SCNN1B: variants seen among roughly 807,000 people sequenced by gnomAD.
SCNN1B encodes the protein epithelial sodium channel subunit beta.
SCNN1B carries 46 observed loss-of-function variants against 65.3 expected under a neutral mutation model. That is an observed-to-expected ratio of 0.70 (90% CI 0.56 to 0.90). The LOEUF (loss-of-function observed/expected upper bound fraction) is 0.90. SCNN1B is among the 40% of genes least tolerant of loss of function. The probability of loss-of-function intolerance (pLI) is 0.00; values close to 1 mark genes in which losing one functional copy is unlikely to be tolerated. For missense variants in SCNN1B, 751 were observed against 830.5 expected, an observed-to-expected ratio of 0.90 and a Z score of 1.18; for synonymous variants, 349 against 330.6, an observed-to-expected ratio of 1.06 and a Z score of -0.60.
chr16:23,333,908 C>T (rs952254043), intron 1 of SCNN1B, among the ~76,000 whole-genome samples: 1 of 152,194 alleles, frequency 6.6e-6, no homozygotes, highest in Non-Finnish European at 1.5e-5. Flanking sequence ...GATGGCAGAA[C>T]CAGACCCTAA....
At chr16:23,361,956 T>A (rs1962562179) in intron 4 of SCNN1B, among the ~76,000 whole-genome samples, 1 of 152,098 alleles carries the variant, frequency 6.6e-6, no homozygotes, top group South Asian at 2.1e-4. Flanking sequence ...CAAGCAATCT[T>A]CCCACTTCAG....
chr16:23,374,748 C>A (rs527689182), intron 7 of SCNN1B, among the ~76,000 whole-genome samples: 1 of 151,716 alleles, frequency 6.6e-6, no homozygotes, highest in South Asian at 2.1e-4. Context: ...AGACGGAGCC[C>A]GGGCTGCAGG....
At chr16:23,319,127 A>G (rs968874123) in intron 1 of SCNN1B, among the ~76,000 whole-genome samples, 1 of 149,340 alleles carries the variant, frequency 6.7e-6, no homozygotes, top group African/African-American at 2.5e-5. Flanking sequence ...TGCAACCTCC[A>G]CCTCCTGGGT....
At position 23,380,289 on chromosome 16, in the gene SCNN1B, A is replaced by T; in HGVS notation, c.1542+120A>T. 1 of 1,510,250 alleles carries T rather than the reference A, an allele frequency of 6.6e-7. No homozygotes were observed. Among genetic ancestry groups the T allele is most frequent in the Non-Finnish European group, 9.2e-7 (1 of 1,088,190 alleles). The allele number at this position is 1,510,250 out of a possible 1,614,324, so 93.6% of individuals were successfully genotyped here. A position where few individuals can be genotyped will look rare whatever the true frequency, so the allele number is the denominator to read the frequency against. On this transcript the variant is annotated intron_variant, in intron 12 of 12. Transcript: ENST00000343070. The surrounding 1 kb of genome is among the most constrained non-coding windows in gnomAD (Gnocchi z 5.4). ...TAGGAAGATCCCTAAGACAGTCCCA[A>T]GTTATTCCCCTGGGCCAAGATGGTC...
At chr16:23,350,002 C>T (rs1449523771) in intron 2 of SCNN1B, among the ~76,000 whole-genome samples, 2 of 151,708 alleles carry the variant, frequency 1.3e-5, no homozygotes, top group Non-Finnish European at 2.9e-5. Context: ...TGCTTGACCC[C>T]GAGAGGCAGA....
intron 1 of SCNN1B, among the ~76,000 whole-genome samples, chr16:23,333,165 G>T (rs919488178): frequency 1.4e-4 from 19 of 131,468 alleles, no homozygotes; most frequent in African/African-American, 5.4e-4. Context: ...AAGGAAGGAA[G>T]GAAGGAAGGA....
chr16:23,374,884 G>A (rs901437761), intron 7 of SCNN1B, among the ~76,000 whole-genome samples: 3 of 151,958 alleles, frequency 2.0e-5, no homozygotes, highest in Non-Finnish European at 2.9e-5. Context: ...AACTGGATAG[G>A]CAATGAAACA....
intron 4 of SCNN1B, among the ~76,000 whole-genome samples, chr16:23,366,938 T>A (rs1475229972): frequency 2.6e-5 from 4 of 152,254 alleles, no homozygotes; most frequent in Non-Finnish European, 5.9e-5. Flanking sequence ...CAGAGTTTGA[T>A]GAACTCCAGC....
chr16:23,356,440 C>T (rs897586239), intron 4 of SCNN1B, among the ~76,000 whole-genome samples: 1 of 152,060 alleles, frequency 6.6e-6, no homozygotes, highest in African/African-American at 2.4e-5. Flanking sequence ...GCCTGAGCAA[C>T]ATAGCGAGAC....
intron 2 of SCNN1B, among the ~76,000 whole-genome samples, chr16:23,285,132 A>G (rs1960832001): frequency 6.6e-6 from 1 of 152,238 alleles, no homozygotes; most frequent in Admixed American, 6.5e-5. Flanking sequence ...ATAGTAATGT[A>G]TGAACATTGG....
At chr16:23,371,269 C>T in intron 5 of SCNN1B, 30 bp from the exon 6 acceptor site, 1 of 1,612,772 alleles carries the variant, frequency 6.2e-7, no homozygotes, top group Non-Finnish European at 8.5e-7. Flanking sequence ...GGAGAAAGTT[C>T]AGGCAGCCCT....
chr16:23,344,026 C>T (rs1203577962), intron 1 of SCNN1B, among the ~76,000 whole-genome samples: 1 of 152,206 alleles, frequency 6.6e-6, no homozygotes, highest in Non-Finnish European at 1.5e-5. Flanking sequence ...GATGCTCAGC[C>T]AATACTCAAC....
chr16:23,358,860 T>A (rs1056452954), intron 4 of SCNN1B, among the ~76,000 whole-genome samples: 5 of 152,196 alleles, frequency 3.3e-5, no homozygotes, highest in Non-Finnish European at 5.9e-5. Flanking sequence ...TGAGCCGAGG[T>A]TGTGCCACTG....
In SCNN1B at chr16:23,377,170, T is replaced by G; in HGVS notation, c.1276T>G (p.Cys426Gly). The G allele has an allele frequency of 6.2e-7, 1 of 1,614,074 alleles. No homozygotes were observed. ...CCTTTCTGTCTCCTGCGCAGCCCAT[T>G]GCTACTCAGATCTACAGATGAGCGT... ...NNRDFPDWAH[C>G]YSDLQMSVAQ... The change falls in exon 9 of 13, where the codon TGC becomes GGC. Residue 426 changes from cysteine to glycine, a missense_variant. By Grantham distance (159) the Cys-to-Gly change is radical. Coordinates refer to ENST00000343070, the MANE Select transcript of SCNN1B (RefSeq NM_000336.3).
rs1002026219 is a variant in SCNN1B, at chr16:23,380,120, A to G, written c.1493A>G (p.Tyr498Cys). The G allele has an allele frequency of 5.0e-6, 8 of 1,614,074 alleles. No individual in the cohort carries two copies. The highest frequency in any genetic ancestry group is 1.1e-5 in the South Asian group (1 of 91,074). Residue 498 changes from tyrosine (Y) to cysteine (C), a missense_variant, in exon 12 of 13, where the codon TAC becomes TGC. Tyr to Cys is a radical substitution (Grantham distance 194). Coordinates refer to ENST00000343070, the MANE Select transcript of SCNN1B (RefSeq NM_000336.3). The surrounding 1 kb of genome is among the most constrained non-coding windows in gnomAD (Gnocchi z 5.4). ...SRKGIVKLNIYFQEFNYRTIE... is the reference protein window; with the variant it reads ...SRKGIVKLNICFQEFNYRTIE... ...AAGGGAATTGTCAAGCTCAACATCT[A>G]CTTCCAAGAATTTAACTATCGCACC...
intron 2 of SCNN1B, among the ~76,000 whole-genome samples, chr16:23,291,439 A>AT (rs1488162153): frequency 6.7e-6 from 1 of 149,582 alleles, no homozygotes; most frequent in African/African-American, 2.5e-5. Flanking sequence ...TTTGTTCTAC[A>AT]TTTTTTATAT....
chr16:23,371,895 G>T lies in SCNN1B; in HGVS notation c.1152+12G>T. 1 of 1,594,172 alleles carries T rather than the reference G, an allele frequency of 6.3e-7. No homozygotes were observed. Among genetic ancestry groups the T allele is most frequent in the South Asian group, 1.1e-5 (1 of 90,708 alleles). On this transcript the variant is annotated intron_variant, in intron 7 of 12. Coordinates refer to ENST00000343070, the MANE Select transcript of SCNN1B (RefSeq NM_000336.3). ...CCTACTCCATCCAGGTGGGAAGGTG[G>T]TGCACGCCTCATGCCCCGGGGCCCC...
intron 7 of SCNN1B, among the ~76,000 whole-genome samples, chr16:23,373,041 AG>A (rs1962818374): frequency 6.6e-6 from 1 of 151,942 alleles, no homozygotes; most frequent in Admixed American, 6.6e-5. Context: ...CGGGAGGCGG[AG>A]GTTGCAGTGA....
At chr16:23,322,205 A>G (rs1046133859) in intron 1 of SCNN1B, among the ~76,000 whole-genome samples, 1 of 152,160 alleles carries the variant, frequency 6.6e-6, no homozygotes, top group African/African-American at 2.4e-5. Context: ...GCCCACATTT[A>G]AGTGCCTACA....
Sources: gnomAD v4.1 joint callset for allele counts (sites outside exome capture counted in the v4.1 genomes callset) on GRCh38, gnomAD v4.1.1 for gene constraint, Gnocchi (gnomAD v3.1) non-coding constraint, MANE v1.5 for transcripts, NCBI Gene and HGNC (gene_info 2026-07-23, HGNC 2026-07-21) for gene names.